The following ARMC2 variants were observed in gnomAD, a reference collection of about 807,000 sequenced individuals.
ARMC2 encodes armadillo repeat containing 2.
In ARMC2, 67 loss-of-function variants were observed where a neutral mutation model predicts 90.3. The observed-to-expected ratio is 0.74, with a 90% CI of 0.61 to 0.91. ARMC2 has a LOEUF of 0.91. Among genes scored for constraint, ARMC2 ranks in the 40% least tolerant of loss-of-function variants. The probability of loss-of-function intolerance (pLI) is 0.00; values close to 1 mark genes in which losing one functional copy is unlikely to be tolerated. For missense variants in ARMC2, 920 were observed against 1,030.9 expected (o/e 0.89, Z 1.47); for synonymous variants, 393 against 393.0 (o/e 1.00, Z 0.00).
chr6:108,901,086 A>G (rs1381614973), intron 7 of ARMC2, among the ~76,000 whole-genome samples: 2 of 144,054 alleles, frequency 1.4e-5, no homozygotes, highest in African/African-American at 2.6e-5. Flanking sequence ...GCCTTCCTAC[A>G]GGAAAGAAGG....
intron 2 of ARMC2, chr6:108,856,822 G>C (rs1009491243): frequency 6.6e-6 from 1 of 152,256 alleles, no homozygotes; most frequent in East Asian, 1.9e-4. Flanking sequence ...TTTTGAAGAA[G>C]CTATGTTTTC....
intron 12 of ARMC2, among the ~76,000 whole-genome samples, chr6:108,937,452 T>C (rs1776046592): frequency 6.6e-6 from 1 of 152,184 alleles, no homozygotes; most frequent in African/African-American, 2.4e-5. Flanking sequence ...CTGATGCAAA[T>C]TAAGGTTTGC....
intron 2 of ARMC2, among the ~76,000 whole-genome samples, chr6:108,855,350 G>A (rs555088921): frequency 1.3e-5 from 2 of 150,976 alleles, no homozygotes; most frequent in African/African-American, 2.4e-5. Context: ...CCGGGTTCAC[G>A]CCATTCTCCT....
intron 12 of ARMC2, among the ~76,000 whole-genome samples, chr6:108,948,991 C>G (rs765188778): frequency 2.6e-5 from 4 of 151,970 alleles, no homozygotes; most frequent in Admixed American, 6.6e-5. Flanking sequence ...AAAGCAAGAC[C>G]AGGTAGATGG....
the ARMC2 span, among the ~76,000 whole-genome samples, chr6:109,037,921 A>G: frequency 6.6e-6 from 1 of 151,902 alleles, no homozygotes; most frequent in Admixed American, 6.6e-5. Flanking sequence ...TAAGCTGACT[A>G]ATTCCATTAT....
the ARMC2 span, among the ~76,000 whole-genome samples, chr6:108,992,404 A>C: frequency 6.6e-5 from 10 of 152,146 alleles, no homozygotes; most frequent in Non-Finnish European, 2.9e-5. Flanking sequence ...GGCGGGAGCC[A>C]TTGTGCCAGG....
Position 108,905,974 on chromosome 6 carries a change from G to A in ARMC2, c.1023+1569G>A, listed in dbSNP as rs917296475. ...GTTTAGCTTAGGCCTTGGTGATGCG[G>A]TTCTATGTAAAATGTTAAAAGACTA... is the stretch of plus-strand genomic sequence containing the variant. On this transcript the variant is annotated intron_variant, in intron 8 of 17. Transcript: ENST00000392644. Among the ~76,000 whole-genome samples the A allele has an allele frequency of 4.6e-5, 7 of 152,108 alleles. No homozygotes were observed. The South Asian group carries it at 1.4e-3, about 31-fold the overall frequency.
At chr6:108,884,107 C>CA (rs1163307198) in intron 5 of ARMC2, among the ~76,000 whole-genome samples, 6 of 152,276 alleles carry the variant, frequency 3.9e-5, no homozygotes, top group Non-Finnish European at 7.4e-5. Flanking sequence ...TTGGAAAAGA[C>CA]AAAGACATTG....
At chr6:108,926,462 C>T (rs1248687331) in intron 10 of ARMC2, among the ~76,000 whole-genome samples, 2 of 152,216 alleles carry the variant, frequency 1.3e-5, no homozygotes, top group Admixed American at 6.5e-5. Context: ...CAGTGGCTCA[C>T]CCCTGTAATC....
intron 9 of ARMC2, 130 bp from the exon 10 acceptor site, chr6:108,912,205 C>T: frequency 4.4e-6 from 3 of 689,414 alleles, no homozygotes; most frequent in South Asian, 4.4e-5. Context: ...TAACTCTTAA[C>T]AAGCACTTGA....
intron 5 of ARMC2, among the ~76,000 whole-genome samples, chr6:108,879,442 C>A (rs1297363261): frequency 6.6e-6 from 1 of 151,942 alleles, no homozygotes; most frequent in Non-Finnish European, 1.5e-5. Context: ...TATCCATGCA[C>A]CCATTCACCC....
In ARMC2 at chr6:108,953,443, AT is replaced by A. The variant is rs1777350241; in HGVS notation, c.1915+94del. The A allele has an allele frequency of 1.6e-5, 21 of 1,309,550 alleles. 1 individual carries two copies. The South Asian group carries it at 3.2e-4, about 20-fold the overall frequency. 81.1% of individuals were successfully genotyped at this position (1,309,550 alleles called of 1,614,324 possible). A position where few individuals can be genotyped will look rare whatever the true frequency, so the allele number is the denominator to read the frequency against. On this transcript the variant is annotated intron_variant, in intron 13 of 17. Coordinates refer to ENST00000392644, the MANE Select transcript of ARMC2 (RefSeq NM_032131.6). ...GTGTCTGTGGTGTGATGAGGATTTT[AT>A]TATCACAAGTGGCTCCCTATGAGAA...
intron 12 of ARMC2, among the ~76,000 whole-genome samples, chr6:108,947,302 G>GT (rs1187515238): frequency 1.3e-5 from 2 of 152,144 alleles, no homozygotes; most frequent in African/African-American, 4.8e-5. Flanking sequence ...GCTGAAGGTG[G>GT]TTTTGGAAAC....
chr6:108,867,855 A>G (rs1775983687), intron 3 of ARMC2, among the ~76,000 whole-genome samples: 1 of 152,082 alleles, frequency 6.6e-6, no homozygotes, highest in Non-Finnish European at 1.5e-5. Flanking sequence ...AATCACTTGA[A>G]TCCGGAAGGC....
At chr6:108,850,348 C>T (rs1278031312) in intron 1 of ARMC2, among the ~76,000 whole-genome samples, 1 of 152,144 alleles carries the variant, frequency 6.6e-6, no homozygotes, top group East Asian at 1.9e-4. Flanking sequence ...GTCCCTTGCC[C>T]TCTGGCTCCC....
intron 5 of ARMC2, among the ~76,000 whole-genome samples, chr6:108,890,215 A>C (rs938759365): frequency 4.1e-5 from 5 of 122,980 alleles, no homozygotes; most frequent in South Asian, 3.1e-4. Context: ...AAAAAAAAAA[A>C]AAAAAAAAAA....
chr6:108,876,074 T>C lies in ARMC2; in HGVS notation c.464-69T>C. The stretch of plus-strand genomic sequence containing the variant: ...TCATATAAATTCTTAGATTGAAAAA[T>C]AACATTGAAAGGTAGTGATTCCTAA... On this transcript the variant is annotated intron_variant, in intron 4 of 17. Coordinates refer to ENST00000392644, the MANE Select transcript of ARMC2 (RefSeq NM_032131.6). The C allele has an allele frequency of 4.1e-6, 5 of 1,234,328 alleles. No homozygotes were observed. In the South Asian group the frequency reaches 5.6e-5, roughly 14 times the overall value. The allele number at this position is 1,234,328 out of a possible 1,614,324, so 76.5% of individuals were successfully genotyped here.
chr6:108,899,090 G>A (rs913218436), intron 6 of ARMC2, among the ~76,000 whole-genome samples: 45 of 152,240 alleles, frequency 3.0e-4, no homozygotes, highest in African/African-American at 9.9e-4. Context: ...TGCTGATGAG[G>A]AAACAGAGAC....
chr6:108,956,906 C>T (rs556981221), intron 13 of ARMC2, among the ~76,000 whole-genome samples: 3 of 152,304 alleles, frequency 2.0e-5, no homozygotes, highest in Admixed American at 2.0e-4. Context: ...GCAGGAGGAT[C>T]TCTTGAACCC....
Sources: gnomAD v4.1 joint callset for allele counts (sites outside exome capture counted in the v4.1 genomes callset) on GRCh38, gnomAD v4.1.1 for gene constraint, MANE v1.5 for transcripts, NCBI Gene and HGNC (gene_info 2026-07-23, HGNC 2026-07-21) for gene names.